Variants in MEIS1 observed in about 807,000 individuals in gnomAD.
MEIS1 encodes Meis homeobox 1, also known as homeobox protein Meis1.
A neutral mutation model predicts 50.8 loss-of-function variants in MEIS1; 5 were observed. The ratio of observed to expected loss-of-function variants is 0.10; its 90% CI spans 0.05 to 0.21. The LOEUF is 0.21. Among genes scored for constraint, MEIS1 ranks in the 10% least tolerant of loss-of-function variants. The pLI is 1.00. For synonymous variants in MEIS1, 176 were observed against 179.3 expected (o/e 0.98, Z 0.15); for missense variants, 318 against 517.3 (o/e 0.61, Z 3.74).
At chr2:66,550,931 C>T (rs62145814) in intron 9 of MEIS1, among the ~76,000 whole-genome samples, 35,172 of 151,884 alleles carry the variant, frequency 0.23, 5,042 homozygotes, top group Non-Finnish European at 0.32. Context: ...TTTATTTATC[C>T]ACAACTTTTA....
chr2:66,552,818 G>A (rs1419366291), intron 9 of MEIS1, among the ~76,000 whole-genome samples: 1 of 152,070 alleles, frequency 6.6e-6, no homozygotes, highest in African/African-American at 2.4e-5. Context: ...TATAAATATA[G>A]GTACCTGTTT....
intron 9 of MEIS1, among the ~76,000 whole-genome samples, chr2:66,555,251 G>A (rs1437242502): frequency 9.3e-5 from 5 of 53,606 alleles, no homozygotes; most frequent in Non-Finnish European, 1.5e-4. Flanking sequence ...TTGTGTGTAC[G>A]TGTTCTCTCT....
At chr2:66,482,315 C>T (rs1236311545) in intron 7 of MEIS1, among the ~76,000 whole-genome samples, 1 of 152,108 alleles carries the variant, frequency 6.6e-6, no homozygotes, top group Non-Finnish European at 1.5e-5. Context: ...ACACCACCAC[C>T]CTTATGGTGG....
At chr2:66,455,434 G>C (rs1300844846) in intron 6 of MEIS1, among the ~76,000 whole-genome samples, 2 of 152,196 alleles carry the variant, frequency 1.3e-5, no homozygotes. Flanking sequence ...TATCAGTGCT[G>C]TCTTGATTTC....
intron 8 of MEIS1, among the ~76,000 whole-genome samples, chr2:66,540,975 GAAATTAA>G (rs1350572223): frequency 6.6e-6 from 1 of 151,896 alleles, no homozygotes. Context: ...ATATTTAGGA[GAAATTAA>G]AAGATCAGAT....
rs138819716 is a variant in MEIS1, at chr2:66,495,371, G to A, written c.743-16778G>A. Among the ~76,000 whole-genome samples, 310 of 152,012 alleles carry A rather than the reference G, an allele frequency of 2.0e-3. 1 individual carries two copies. The highest frequency in any genetic ancestry group is 3.7e-3 in the Non-Finnish European group (251 of 67,950). On this transcript the variant is annotated intron_variant, in intron 7 of 12. Transcript: ENST00000272369. ...TGCAGTGATCCATCATTCAACTTCCGGTCTTTTTCATCATATTAGATTGTG... is the reference window on the plus strand; with the variant it reads ...TGCAGTGATCCATCATTCAACTTCCAGTCTTTTTCATCATATTAGATTGTG...
chr2:66,464,025 T>A, intron 6 of MEIS1, 84 bp from the exon 7 acceptor site: 2 of 978,670 alleles, frequency 2.0e-6, no homozygotes, highest in African/African-American at 3.2e-5. Flanking sequence ...CAGCCCTCCA[T>A]GGCTTTGTCA....
At chr2:66,502,574 A>G (rs1198587772) in intron 7 of MEIS1, among the ~76,000 whole-genome samples, 1 of 152,184 alleles carries the variant, frequency 6.6e-6, no homozygotes, top group Non-Finnish European at 1.5e-5. Context: ...GGCTTATATC[A>G]ACAAGCCTGA....
chr2:66,479,264 G>A (rs1672963992), intron 7 of MEIS1, among the ~76,000 whole-genome samples: 2 of 152,186 alleles, frequency 1.3e-5, no homozygotes, highest in African/African-American at 4.8e-5. Flanking sequence ...AGCTGATAAG[G>A]GCTATAAACA....
chr2:66,469,972 C>T (rs1478463151), intron 7 of MEIS1, among the ~76,000 whole-genome samples: 2 of 151,620 alleles, frequency 1.3e-5, no homozygotes, highest in East Asian at 1.9e-4. Context: ...ATTTTACAAA[C>T]GAAATGATAA....
At chr2:66,449,454 A>G (rs1672230585) in intron 6 of MEIS1, among the ~76,000 whole-genome samples, 1 of 152,114 alleles carries the variant, frequency 6.6e-6, no homozygotes, top group African/African-American at 2.4e-5. Flanking sequence ...CATGTAGTGT[A>G]AAAGATAAAA....
intron 9 of MEIS1, among the ~76,000 whole-genome samples, chr2:66,555,270 C>CTG (rs1558562174): frequency 3.7e-5 from 1 of 27,064 alleles, no homozygotes; most frequent in South Asian, 2.6e-3. Context: ...CTCTCTCTCT[C>CTG]TCTCTCTCTC....
At chr2:66,510,113 G>A (rs1374315870) in intron 7 of MEIS1, among the ~76,000 whole-genome samples, 2 of 152,070 alleles carry the variant, frequency 1.3e-5, no homozygotes, top group Non-Finnish European at 2.9e-5. Context: ...AAGTGGATTA[G>A]CCCATTGAAA....
chr2:66,533,620 A>T (rs1249388814), intron 8 of MEIS1, among the ~76,000 whole-genome samples: 1 of 152,240 alleles, frequency 6.6e-6, no homozygotes, highest in Non-Finnish European at 1.5e-5. Flanking sequence ...AGCATAAAAC[A>T]TCTAATAGGG....
intron 6 of MEIS1, among the ~76,000 whole-genome samples, chr2:66,460,261 A>G (rs947245886): frequency 7.9e-5 from 12 of 152,172 alleles, no homozygotes; most frequent in Non-Finnish European, 1.6e-4. Flanking sequence ...GAGAAGACAG[A>G]GAAGATTAAG....
rs547463218 is a variant in MEIS1 at position 66,443,360 on chromosome 2, G to A, written c.630+312G>A. The A allele has an allele frequency of 6.1e-5, 17 of 277,094 alleles. No homozygotes were observed. In the East Asian group the frequency reaches 1.1e-3, roughly 18 times the overall value. The allele number at this position is 277,094 out of a possible 1,614,324, so 17.2% of individuals were successfully genotyped here. A position where few individuals can be genotyped will look rare whatever the true frequency, so the allele number is the denominator to read the frequency against. On this transcript the variant is annotated intron_variant, in intron 6 of 12. Coordinates refer to ENST00000272369, the MANE Select transcript of MEIS1 (RefSeq NM_002398.3). Reference sequence around the variant, plus strand: ...ATGGGAGTGTTAACTGCCAGTGACCGCCTCTGATTGTAGGGGCTTTGTTCC... The same window carrying A: ...ATGGGAGTGTTAACTGCCAGTGACCACCTCTGATTGTAGGGGCTTTGTTCC...
intron 8 of MEIS1, among the ~76,000 whole-genome samples, chr2:66,535,316 A>G (rs1313678848): frequency 2.6e-5 from 4 of 152,062 alleles, no homozygotes; most frequent in Non-Finnish European, 4.4e-5. Context: ...GCAAAATATA[A>G]TAAAACCTCT....
intron 8 of MEIS1, among the ~76,000 whole-genome samples, chr2:66,534,543 A>G (rs1302843277): frequency 8.6e-6 from 1 of 116,126 alleles, no homozygotes; most frequent in Non-Finnish European, 1.8e-5. Flanking sequence ...TAAAAAAAAA[A>G]AAATTCTTTT....
Position 66,571,788 on chromosome 2 carries a change from TATAG to T in MEIS1, c.*583_*586del, listed in dbSNP as rs1384064991. The T allele has an allele frequency of 2.4e-6, 1 of 417,426 alleles. No individual in the cohort carries two copies. Among genetic ancestry groups the T allele is most frequent in the African/African-American group, 2.1e-5 (1 of 47,626 alleles). 25.9% of individuals were successfully genotyped at this position (417,426 alleles called of 1,614,324 possible). A position where few individuals can be genotyped will look rare whatever the true frequency, so the allele number is the denominator to read the frequency against. Reference sequence around the variant, plus strand: ...CTGTTATCCATATTACGTTGTTTCTTATAGATTTTTTAAAAAAAATGTGAAATTT... The same window carrying T: ...CTGTTATCCATATTACGTTGTTTCTTATTTTTTAAAAAAAATGTGAAATTT... On this transcript the variant is annotated 3_prime_UTR_variant, in exon 13 of 13. Transcript: ENST00000272369.
Sources: allele counts gnomAD v4.1 joint callset (sites outside exome capture counted in the v4.1 genomes callset), GRCh38; gene constraint gnomAD v4.1.1; transcripts MANE v1.5; gene names NCBI Gene and HGNC (gene_info 2026-07-23, HGNC 2026-07-21).